SLC25A37: variants seen among roughly 807,000 people sequenced by gnomAD.
SLC25A37 encodes solute carrier family 25 member 37, also known as mitoferrin-1.
A neutral mutation model predicts 31.0 loss-of-function variants in SLC25A37; 17 were observed. The ratio of observed to expected loss-of-function variants is 0.55; its 90% CI spans 0.38 to 0.82. The LOEUF is 0.82. SLC25A37 is among the 40% of genes least tolerant of loss of function. The pLI, the probability that SLC25A37 is intolerant of heterozygous loss-of-function variation, is 0.00. For missense variants in SLC25A37, 404 were observed against 465.8 expected (o/e 0.87, Z 1.22); for synonymous variants, 222 against 193.0 (o/e 1.15, Z -1.24).
At chr8:23,566,018 T>TC in intron 1 of SLC25A37, 90 bp from the exon 2 acceptor site, 1 of 1,454,106 alleles carries the variant, frequency 6.9e-7, no homozygotes, top group Non-Finnish European at 9.0e-7. Context: ...ACATTGTTTT[T>TC]CTCTCTCTCC....
Position 23,566,398 on chromosome 8 carries a change from G to A in SLC25A37, c.439+62G>A, listed in dbSNP as rs201696377. ...TCTTCTTCAACACGTCCCTCCCCAG[G>A]GTGTTCCTCCCTGTGACCCAGCCGC... On this transcript the variant is annotated intron_variant, in intron 2 of 3. Transcript: ENST00000519973. 5.9e-4 allele frequency: 919 copies of A among 1,546,798 alleles called. 4 individuals carry two copies. The highest frequency in any genetic ancestry group is 3.1e-3 in the South Asian group (249 of 79,168).
intron 1 of SLC25A37, among the ~76,000 whole-genome samples, chr8:23,536,672 T>C (rs1402849194): frequency 6.6e-6 from 1 of 152,182 alleles, no homozygotes; most frequent in African/African-American, 2.4e-5. Flanking sequence ...GTGGCCAGAA[T>C]GGTGGTCCTG....
rs189478856 is a variant in SLC25A37, at chr8:23,563,642, T to C, written c.211-2466T>C. ...CTTGGGCTGGGCCAGAAGATGTTTT[T>C]GCCAGTCTGTGGTAGGAAAAAGGGT... On this transcript the variant is annotated intron_variant, in intron 1 of 3. Transcript: ENST00000519973. 2.4e-3 allele frequency among the ~76,000 whole-genome samples: 364 copies of C among 152,342 alleles called. 1 individual carries two copies. The highest frequency in any genetic ancestry group is 8.3e-3 in the African/African-American group (345 of 41,576).
chr8:23,556,103 C>T (rs780707579), intron 1 of SLC25A37, among the ~76,000 whole-genome samples: 4 of 152,104 alleles, frequency 2.6e-5, no homozygotes, highest in Non-Finnish European at 5.9e-5. Context: ...CTGCTTGAGT[C>T]CCCCGCCATG....
At chr8:23,536,066 G>A (rs761157389) in intron 1 of SLC25A37, among the ~76,000 whole-genome samples, 1 of 152,146 alleles carries the variant, frequency 6.6e-6, no homozygotes, top group African/African-American at 2.4e-5. Flanking sequence ...TGCGTGGTGC[G>A]TACGTTGTCA....
intron 1 of SLC25A37, among the ~76,000 whole-genome samples, chr8:23,554,008 G>A (rs75775636): frequency 0.044 from 6,660 of 151,976 alleles, 180 homozygotes; most frequent in South Asian, 0.059. Flanking sequence ...CAAAAGGGAA[G>A]TTGAAGATCA....
At chr8:23,537,661 G>C (rs993736287) in intron 1 of SLC25A37, among the ~76,000 whole-genome samples, 4 of 152,208 alleles carry the variant, frequency 2.6e-5, no homozygotes, top group African/African-American at 9.6e-5. Flanking sequence ...ATACAGGCAG[G>C]TTTGCAGGGA....
intron 2 of SLC25A37, 124 bp downstream of exon 2, chr8:23,566,460 CAG>C: frequency 6.8e-7 from 1 of 1,480,782 alleles, no homozygotes; most frequent in Non-Finnish European, 8.9e-7. Context: ...ATAAAGAACT[CAG>C]AGTTGTGTGT....
Position 23,528,966 on chromosome 8 carries a change from A to ACCTCCTGCAG in SLC25A37, c.-28_-19dup, listed in dbSNP as rs1262532380. 2.7e-5 allele frequency: 39 copies of ACCTCCTGCAG among 1,419,262 alleles called. No individual in the cohort carries two copies. The highest frequency in any genetic ancestry group is 3.5e-5 in the Non-Finnish European group (38 of 1,083,928). The allele number at this position is 1,419,262 out of a possible 1,614,324, so 87.9% of individuals were successfully genotyped here. On this transcript the variant is annotated 5_prime_UTR_variant, in exon 1 of 4. Transcript: ENST00000519973. The stretch of plus-strand genomic sequence containing the variant: ...TTTGCGCCCCTCCCCCTCCCTGCCC[A>ACCTCCTGCAG]CCTCCTGCAGCCTCCTGCGCCCCGC...
chr8:23,566,506 ACGCGCG>A, intron 2 of SLC25A37, 170 bp downstream of exon 2: 1 of 1,381,420 alleles, frequency 7.2e-7, no homozygotes, highest in Non-Finnish European at 9.3e-7. Flanking sequence ...ACGCACACAC[ACGCGCG>A]CGCACACACA....
chr8:23,555,904 C>T (rs2117431388), intron 1 of SLC25A37, among the ~76,000 whole-genome samples: 1 of 152,356 alleles, frequency 6.6e-6, no homozygotes, highest in East Asian at 1.9e-4. Context: ...GCAGGGAAAG[C>T]CACGTAGACC....
At chr8:23,554,943 C>T (rs1802324097) in intron 1 of SLC25A37, among the ~76,000 whole-genome samples, 1 of 152,168 alleles carries the variant, frequency 6.6e-6, no homozygotes, top group Admixed American at 6.5e-5. Flanking sequence ...CGATTCATAG[C>T]CATGGAAGAC....
chr8:23,562,675 G>A (rs1156327801), intron 1 of SLC25A37, among the ~76,000 whole-genome samples: 2 of 152,248 alleles, frequency 1.3e-5, no homozygotes, highest in East Asian at 1.9e-4. Flanking sequence ...GGGGACTCTT[G>A]TGTTATTACT....
intron 3 of SLC25A37, chr8:23,568,789 CA>C: frequency 4.2e-6 from 1 of 238,342 alleles, no homozygotes; most frequent in Non-Finnish European, 8.4e-6. Flanking sequence ...ACTAAAAATA[CA>C]AAAATTAGCC....
In SLC25A37 at chr8:23,573,594, G is replaced by A; in HGVS notation, c.*1739G>A. The A allele has an allele frequency of 3.0e-6, 1 of 331,040 alleles. No individual in the cohort carries two copies. Among genetic ancestry groups the A allele is most frequent in the South Asian group, 2.4e-5 (1 of 42,492 alleles). The allele number at this position is 331,040 out of a possible 1,614,324, so 20.5% of individuals were successfully genotyped here. On this transcript the variant is annotated 3_prime_UTR_variant, in exon 4 of 4. Transcript: ENST00000519973. ...GCTACTGCCTAGGAAGTAACACGTG[G>A]AGAATTTCCATCTTGGGACCATGCA...
chr8:23,542,092 C>T (rs1801908648), intron 1 of SLC25A37, among the ~76,000 whole-genome samples: 1 of 152,200 alleles, frequency 6.6e-6, no homozygotes, highest in African/African-American at 2.4e-5. Flanking sequence ...GTCAGCACCA[C>T]ATAACGATGT....
intron 1 of SLC25A37, among the ~76,000 whole-genome samples, chr8:23,548,239 C>T (rs1057203749): frequency 2.0e-5 from 3 of 152,080 alleles, no homozygotes; most frequent in South Asian, 2.1e-4. Flanking sequence ...ACTGCAGTGG[C>T]GCGATCTCGG....
Position 23,571,073 on chromosome 8 carries a change from G to C in SLC25A37, c.497-262G>C, listed in dbSNP as rs558761368. On this transcript the variant is annotated intron_variant, in intron 3 of 3. Coordinates refer to ENST00000519973, the MANE Select transcript of SLC25A37 (RefSeq NM_016612.4). Reference sequence around the variant, plus strand: ...CTGGTTCGGGGGCTGCCTTCAGCAAGATTCAGGCAGGAGAGACGGAAATAG... The same window carrying C: ...CTGGTTCGGGGGCTGCCTTCAGCAACATTCAGGCAGGAGAGACGGAAATAG... Among the ~76,000 whole-genome samples, 213 of 152,312 alleles carry C rather than the reference G, an allele frequency of 1.4e-3. 3 individuals carry two copies. The highest frequency in any genetic ancestry group is 4.9e-3 in the African/African-American group (204 of 41,566).
In SLC25A37 at chr8:23,569,775, C is replaced by T. The variant is rs554390707; in HGVS notation, c.496+1397C>T. ...TATCCCGGCGTCTTAGCCGGGTACTCGTGTCTGAATAGTGAGTACCTTTTG... is the reference window on the plus strand; with the variant it reads ...TATCCCGGCGTCTTAGCCGGGTACTTGTGTCTGAATAGTGAGTACCTTTTG... On this transcript the variant is annotated intron_variant, in intron 3 of 3. Transcript: ENST00000519973. 5.7e-3 allele frequency among the ~76,000 whole-genome samples: 857 copies of T among 151,474 alleles called. 8 individuals carry two copies. Among genetic ancestry groups the T allele is most frequent in the African/African-American group, 0.019 (780 of 41,404 alleles).
Sources: gnomAD v4.1 joint callset for allele counts (sites outside exome capture counted in the v4.1 genomes callset) on GRCh38, gnomAD v4.1.1 for gene constraint, MANE v1.5 for transcripts, NCBI Gene and HGNC (gene_info 2026-07-23, HGNC 2026-07-21) for gene names.